The following SLAMF6 variants were observed in gnomAD, a reference collection of about 807,000 sequenced individuals.
SLAMF6 encodes NK-T-B-antigen.
SLAMF6 carries 21 observed loss-of-function variants against 38.3 expected under a neutral mutation model. That is an observed-to-expected ratio of 0.55 (90% CI 0.39 to 0.79). The LOEUF is 0.79. Ranked by LOEUF, SLAMF6 falls within the 30% of genes least tolerant of loss-of-function variation. SLAMF6 has a pLI of 0.00. For synonymous variants in SLAMF6, 152 were observed against 146.3 expected (o/e 1.04, Z -0.28); for missense variants, 341 against 385.3 (o/e 0.89, Z 0.96).
chr1:160,516,829 C>T (rs1227025011), intron 1 of SLAMF6, among the ~76,000 whole-genome samples: 2 of 152,020 alleles, frequency 1.3e-5, no homozygotes, highest in Non-Finnish European at 2.9e-5. Context: ...GAAACTGGAC[C>T]CCTCCCTCAC....
Position 160,491,151 on chromosome 1 carries a change from G to A in SLAMF6, c.620C>T (p.Ser207Phe), listed in dbSNP as rs1373264883. The change falls in exon 3 of 8, where the codon TCT (serine) becomes TTT (phenylalanine). Residue 207 changes from serine to phenylalanine, a missense_variant. Ser to Phe is a radical substitution (Grantham distance 155). Transcript: ENST00000368057. Reference sequence around the variant, plus strand: ...TTCGCAAAGCTTCTGGGCAGAGACAGAGAAGGATAAATTACTGACAGCATT... The same window carrying A: ...TTCGCAAAGCTTCTGGGCAGAGACAAAGAAGGATAAATTACTGACAGCATT... ...AENAVSNLSF[S>F]VSAQKLCEDV... 1.2e-6 allele frequency: 2 copies of A among 1,613,854 alleles called. No homozygotes were observed. Among genetic ancestry groups the A allele is most frequent in the African/African-American group, 2.7e-5 (2 of 74,912 alleles).
At position 160,490,557 on chromosome 1, in the gene SLAMF6, G is replaced by C; in HGVS notation, c.757+18C>G. 1.2e-6 allele frequency: 2 copies of C among 1,608,748 alleles called. No homozygotes were observed. Among genetic ancestry groups the C allele is most frequent in the Non-Finnish European group, 1.7e-6 (2 of 1,178,524 alleles). ...TGGAACCTTGGAGAAGAGACAAGTA[G>C]GAAGAAAGGAAACCTGCCTCTTCTT... On this transcript the variant is annotated intron_variant, in intron 4 of 7. Transcript: ENST00000368057.
At chr1:160,512,389 G>T (rs1654517171) in intron 1 of SLAMF6, among the ~76,000 whole-genome samples, 1 of 152,196 alleles carries the variant, frequency 6.6e-6, no homozygotes, top group Non-Finnish European at 1.5e-5. Context: ...GGGTACTGGG[G>T]CTGCGGACTC....
At chr1:160,511,009 C>T (rs796438406) in intron 1 of SLAMF6, among the ~76,000 whole-genome samples, 2 of 152,144 alleles carry the variant, frequency 1.3e-5, no homozygotes, top group African/African-American at 4.8e-5. Context: ...GAACAAAATA[C>T]CTGGCAATAA....
intron 1 of SLAMF6, among the ~76,000 whole-genome samples, chr1:160,496,655 A>C (rs1425095264): frequency 6.6e-6 from 1 of 152,174 alleles, no homozygotes; most frequent in African/African-American, 2.4e-5. Flanking sequence ...TGGGTCCTAC[A>C]CTGGCTGGTC....
chr1:160,500,579 T>G (rs1206997072), intron 1 of SLAMF6, among the ~76,000 whole-genome samples: 1 of 152,194 alleles, frequency 6.6e-6, no homozygotes, highest in Non-Finnish European at 1.5e-5. Context: ...CCTTTGGATT[T>G]ACCATCTAGT....
Position 160,486,708 on chromosome 1 carries a change from TA to T in SLAMF6, c.997del (p.Ter333LysfsTer12), listed in dbSNP as rs1652980268. 3 of 1,613,678 alleles carry T rather than the reference TA, an allele frequency of 1.9e-6. No homozygotes were observed. Among genetic ancestry groups the T allele is most frequent in the Non-Finnish European group, 2.5e-6 (3 of 1,179,762 alleles). On this transcript the variant is annotated frameshift_variant and stop_lost, in exon 8 of 8. Coordinates refer to ENST00000368057, the MANE Select transcript of SLAMF6 (RefSeq NM_001184714.2). LOFTEE classifies it high-confidence loss of function. The stretch of plus-strand genomic sequence containing the variant: ...ATTCCTCTGAGGCCTTTCAGCAACT[TA>T]CACGACATTGTCAAGGGCAGTTGCC... ...SRATALDNVV* is the reference protein window; with the variant it reads ...SRATALDNVVX
At chr1:160,506,294 T>A (rs554554854) in intron 1 of SLAMF6, among the ~76,000 whole-genome samples, 1 of 152,088 alleles carries the variant, frequency 6.6e-6, no homozygotes, top group East Asian at 1.9e-4. Context: ...CATGTACAAG[T>A]CATGCTCAAT....
At chr1:160,490,523 CT>C in intron 4 of SLAMF6, 51 bp downstream of exon 4, 1 of 1,593,706 alleles carries the variant, frequency 6.3e-7, no homozygotes, top group South Asian at 1.1e-5. Flanking sequence ...GCCCCAAACT[CT>C]CAATCACTGG....
intron 3 of SLAMF6, 21 bp downstream of exon 3, chr1:160,491,104 A>G (rs961522459): frequency 1.2e-6 from 2 of 1,612,272 alleles, no homozygotes; most frequent in Non-Finnish European, 1.7e-6. Flanking sequence ...CAAGGCTCTC[A>G]GACCTGAGGC....
In SLAMF6 at chr1:160,487,141, G is replaced by A; in HGVS notation, c.914C>T (p.Thr305Ile). 1.9e-6 allele frequency: 3 copies of A among 1,613,302 alleles called. No homozygotes were observed. The highest frequency in any genetic ancestry group is 1.7e-6 in the Non-Finnish European group (2 of 1,179,736). ...ATTAATTGTGGAGTAAATTGTGATA[G>A]TATCATTTTCTCTAGGTGTCCAGAT... ...TEIWTPRENDTITIYSTINHS... is the reference protein window; with the variant it reads ...TEIWTPRENDIITIYSTINHS... Residue 305 changes from threonine to isoleucine, a missense_variant, in exon 7 of 8, where the codon ACT (threonine) becomes ATT (isoleucine). Physicochemically the swap from Thr to Ile is moderately conservative, Grantham distance 89 (BLOSUM62 -1). Coordinates refer to ENST00000368057, the MANE Select transcript of SLAMF6 (RefSeq NM_001184714.2).
In SLAMF6 at chr1:160,520,308, C is replaced by T. The variant is rs144270648; in HGVS notation, c.49+2836G>A. ...CTCCTGGACCTCAGAATACCTATATCTGCTTCCTGCAAACACACTCAAAGT... is the reference window on the plus strand; with the variant it reads ...CTCCTGGACCTCAGAATACCTATATTTGCTTCCTGCAAACACACTCAAAGT... On this transcript the variant is annotated intron_variant, in intron 1 of 7. Coordinates refer to ENST00000368057, the MANE Select transcript of SLAMF6 (RefSeq NM_001184714.2). Among the ~76,000 whole-genome samples, 11 of 152,240 alleles carry T rather than the reference C, an allele frequency of 7.2e-5. No individual in the cohort carries two copies. In the East Asian group the frequency reaches 2.1e-3, roughly 29 times the overall value.
intron 1 of SLAMF6, among the ~76,000 whole-genome samples, chr1:160,520,962 T>C (rs1218007106): frequency 2.0e-5 from 3 of 152,212 alleles, no homozygotes. Context: ...TTTCACACCC[T>C]TTAAATATCA....
chr1:160,494,860 T>C (rs980548755), intron 2 of SLAMF6, among the ~76,000 whole-genome samples: 1 of 152,148 alleles, frequency 6.6e-6, no homozygotes, highest in East Asian at 1.9e-4. Context: ...TGTGAGAGAA[T>C]ATGAATTTCT....
intron 1 of SLAMF6, among the ~76,000 whole-genome samples, chr1:160,502,409 A>G (rs1653951829): frequency 6.6e-6 from 1 of 152,176 alleles, no homozygotes; most frequent in Non-Finnish European, 1.5e-5. Flanking sequence ...GGATGTCAAG[A>G]CAGCAGACAT....
chr1:160,522,997 A>G lies in SLAMF6; in HGVS notation c.49+147T>C, dbSNP rs936523320. The G allele has an allele frequency of 1.4e-5, 10 of 738,506 alleles. No individual in the cohort carries two copies. The African/African-American group carries it at 1.4e-4, about 11-fold the overall frequency. 45.7% of individuals were successfully genotyped at this position (738,506 alleles called of 1,614,324 possible). ...TCCAAAGTTGAGAGGAGGTAGTAGTATATCAGGTAACACTGCCAGCGTCCC... is the reference window on the plus strand; with the variant it reads ...TCCAAAGTTGAGAGGAGGTAGTAGTGTATCAGGTAACACTGCCAGCGTCCC... On this transcript the variant is annotated intron_variant, in intron 1 of 7. Transcript: ENST00000368057.
chr1:160,518,493 T>A, intron 1 of SLAMF6, among the ~76,000 whole-genome samples: 1 of 152,108 alleles, frequency 6.6e-6, no homozygotes, highest in East Asian at 1.9e-4. Flanking sequence ...GCAGCACTAT[T>A]CATAATAGCA....
intron 2 of SLAMF6, among the ~76,000 whole-genome samples, chr1:160,494,758 T>C (rs678456): frequency 0.92 from 140,458 of 152,122 alleles, 64,915 homozygotes; most frequent in African/African-American, 0.96. Flanking sequence ...AACCAGAAGC[T>C]GGGAGAGGCA....
chr1:160,486,659 G>A lies in SLAMF6; in HGVS notation c.*48C>T. ...TCCTGTTCTTTGTTCTGTCTCATGG[G>A]ATCAGAAGACGTGTCATTCCCGAAT... On this transcript the variant is annotated 3_prime_UTR_variant, in exon 8 of 8. Coordinates refer to ENST00000368057, the MANE Select transcript of SLAMF6 (RefSeq NM_001184714.2). The A allele has an allele frequency of 1.3e-6, 2 of 1,544,168 alleles. No individual in the cohort carries two copies. The highest frequency in any genetic ancestry group is 1.4e-5 in the African/African-American group (1 of 73,456).
Sources: allele counts gnomAD v4.1 joint callset (sites outside exome capture counted in the v4.1 genomes callset), GRCh38; gene constraint gnomAD v4.1.1; transcripts MANE v1.5; gene names NCBI Gene and HGNC (gene_info 2026-07-23, HGNC 2026-07-21).